MGLL: variants seen among roughly 807,000 people sequenced by gnomAD.
The protein encoded by MGLL is lysophospholipase homolog.
Under a neutral mutation model 29.1 loss-of-function variants are expected in MGLL, and 7 were observed. The ratio of observed to expected loss-of-function variants is 0.24; its 90% CI spans 0.14 to 0.45. The LOEUF (loss-of-function observed/expected upper bound fraction) is 0.45. Ranked by LOEUF, MGLL falls within the 20% of genes least tolerant of loss-of-function variation. The pLI is 0.99. For synonymous variants in MGLL, 148 were observed against 168.3 expected, an observed-to-expected ratio of 0.88 and a Z score of 0.93; for missense variants, 356 against 413.6, an observed-to-expected ratio of 0.86 and a Z score of 1.21.
intron 2 of MGLL, among the ~76,000 whole-genome samples, chr3:127,820,845 C>T (rs1576329718): frequency 6.6e-6 from 1 of 152,204 alleles, no homozygotes; most frequent in South Asian, 2.1e-4. Flanking sequence ...GTGTTTTTAA[C>T]GTGCAGCTCC....
intron 3 of MGLL, among the ~76,000 whole-genome samples, chr3:127,772,377 A>G (rs2076964565): frequency 6.6e-6 from 1 of 152,168 alleles, no homozygotes; most frequent in South Asian, 2.1e-4. Flanking sequence ...GAGGAGTGTG[A>G]AGTCCGGAGA....
intron 2 of MGLL, among the ~76,000 whole-genome samples, chr3:127,787,466 G>A (rs1039861115): frequency 1.2e-4 from 18 of 152,216 alleles, no homozygotes; most frequent in African/African-American, 4.3e-4. Context: ...TGCCCTTGTC[G>A]AAGCAATGCC....
At chr3:127,710,046 A>G (rs779659957) in intron 6 of MGLL, among the ~76,000 whole-genome samples, 4 of 152,194 alleles carry the variant, frequency 2.6e-5, no homozygotes, top group Non-Finnish European at 5.9e-5. Flanking sequence ...GTCAGTAAGA[A>G]TCAGCCCTGA....
At chr3:127,723,554 G>GC (rs1014603722) in intron 3 of MGLL, among the ~76,000 whole-genome samples, 21 of 148,740 alleles carry the variant, frequency 1.4e-4, no homozygotes, top group African/African-American at 3.0e-4. Flanking sequence ...CTTCCCAGTC[G>GC]CCCCCCCACG....
chr3:127,745,272 T>C (rs1272703757), intron 3 of MGLL, among the ~76,000 whole-genome samples: 1 of 152,244 alleles, frequency 6.6e-6, no homozygotes, highest in Non-Finnish European at 1.5e-5. Flanking sequence ...CCACCTTTCA[T>C]GCTTAGTTCT....
Position 127,692,313 on chromosome 3 carries a change from C to T in MGLL, c.827G>A (p.Gly276Asp). Residue 276 changes from glycine (G) to aspartate (D), a missense_variant, in exon 8 of 8, where the codon GGT (glycine) becomes GAT (aspartate). Gly to Asp is a moderately conservative substitution (Grantham distance 94). Coordinates refer to ENST00000265052, the MANE Select transcript of MGLL (RefSeq NM_007283.7). Reference sequence around the variant, plus strand: ...CTCCTTGTGGAGAACATGGTAGGCACCTTCATAAATCTGCAATGAGGAGAG... The same window carrying T: ...CTCCTTGTGGAGAACATGGTAGGCATCTTCATAAATCTGCAATGAGGAGAG... ...SQDKTLKIYE[G>D]AYHVLHKELP... The T allele has an allele frequency of 1.2e-6, 2 of 1,614,000 alleles. No individual in the cohort carries two copies. The highest frequency in any genetic ancestry group is 8.5e-7 in the Non-Finnish European group (1 of 1,179,986).
At chr3:127,703,346 C>T (rs1044149334) in intron 6 of MGLL, among the ~76,000 whole-genome samples, 4 of 152,240 alleles carry the variant, frequency 2.6e-5, no homozygotes, top group African/African-American at 9.6e-5. Flanking sequence ...TGCAGGACCA[C>T]TTTCATAACT....
At chr3:127,694,784 C>T (rs1435236430) in intron 7 of MGLL, among the ~76,000 whole-genome samples, 191 bp downstream of exon 7, 1 of 152,170 alleles carries the variant, frequency 6.6e-6, no homozygotes, top group African/African-American at 2.4e-5. Flanking sequence ...CAGCAAATGA[C>T]TCGTGTTCTC....
intron 3 of MGLL, among the ~76,000 whole-genome samples, chr3:127,752,905 A>T (rs575288658): frequency 6.6e-6 from 1 of 152,222 alleles, no homozygotes; most frequent in Non-Finnish European, 1.5e-5. Context: ...ATGTGCACTG[A>T]AGTGGCTATA....
rs150265515 is a variant in MGLL at position 127,781,727 on chromosome 3, G to C, written c.262+62C>G. The C allele has an allele frequency of 4.3e-6, 6 of 1,379,766 alleles. No individual in the cohort carries two copies. In the Admixed American group the frequency reaches 1.0e-4, roughly 23 times the overall value. 85.5% of individuals were successfully genotyped at this position (1,379,766 alleles called of 1,614,324 possible). ...AGGATGCTGGCAGTGAGATGGACTAGAGAGGGAGATCTCCAAATTGTCAGG... is the reference window on the plus strand; with the variant it reads ...AGGATGCTGGCAGTGAGATGGACTACAGAGGGAGATCTCCAAATTGTCAGG... On this transcript the variant is annotated intron_variant, in intron 3 of 7. Coordinates refer to ENST00000265052, the MANE Select transcript of MGLL (RefSeq NM_007283.7).
chr3:127,776,540 C>G (rs1195307485), intron 3 of MGLL, among the ~76,000 whole-genome samples: 1 of 152,214 alleles, frequency 6.6e-6, no homozygotes, highest in Non-Finnish European at 1.5e-5. Flanking sequence ...TCTGGCCCTC[C>G]AGGCATTGAG....
chr3:127,798,965 T>C lies in MGLL; in HGVS notation c.156-17070A>G, dbSNP rs142881421. 3.6e-3 allele frequency among the ~76,000 whole-genome samples: 550 copies of C among 152,234 alleles called. 1 individual carries two copies. The highest frequency in any genetic ancestry group is 0.031 in the Middle Eastern group (9 of 294). ...GAGCAGGGGAGCAGTCTCAGGAGCA[T>C]TGCCTTTCAAGCCTGCAGCTGGATT... is the stretch of plus-strand genomic sequence containing the variant. On this transcript the variant is annotated intron_variant, in intron 2 of 7. Transcript: ENST00000265052.
chr3:127,790,722 C>T (rs1327934223), intron 2 of MGLL, among the ~76,000 whole-genome samples: 1 of 152,170 alleles, frequency 6.6e-6, no homozygotes, highest in Non-Finnish European at 1.5e-5. Flanking sequence ...TCCCTATTTT[C>T]CCGTTAGCAC....
At chr3:127,727,618 G>A (rs2076069470) in intron 3 of MGLL, among the ~76,000 whole-genome samples, 1 of 149,542 alleles carries the variant, frequency 6.7e-6, no homozygotes, top group South Asian at 2.1e-4. Flanking sequence ...AAGTTGAGGT[G>A]AGAGAATCGT....
intron 3 of MGLL, among the ~76,000 whole-genome samples, chr3:127,778,241 T>C (rs2077067673): frequency 6.6e-6 from 1 of 152,208 alleles, no homozygotes; most frequent in South Asian, 2.1e-4. Flanking sequence ...GTCTACTTTG[T>C]AAAGCATTTT....
chr3:127,765,989 A>G (rs2076848644), intron 3 of MGLL, among the ~76,000 whole-genome samples: 1 of 152,160 alleles, frequency 6.6e-6, no homozygotes. Flanking sequence ...AGCAGCTAAG[A>G]CATTCATTTA....
intron 3 of MGLL, among the ~76,000 whole-genome samples, chr3:127,743,553 C>A (rs567111964): frequency 7.3e-6 from 1 of 137,526 alleles, no homozygotes; most frequent in East Asian, 2.3e-4. Flanking sequence ...GGCCATCAGC[C>A]GACACATTCC....
Position 127,690,968 on chromosome 3 carries a change from TG to T in MGLL, c.*1229del. On this transcript the variant is annotated 3_prime_UTR_variant, in exon 8 of 8. Transcript: ENST00000265052. Reference sequence around the variant, plus strand: ...CTGGGGGTGCCTCCAGTCCCTGCTCTGGGTCACCGAGTGCTCCATGCAGACC... The same window carrying T: ...CTGGGGGTGCCTCCAGTCCCTGCTCTGGTCACCGAGTGCTCCATGCAGACC... 1 of 152,960 alleles carries T rather than the reference TG, an allele frequency of 6.5e-6. No homozygotes were observed. Among genetic ancestry groups the T allele is most frequent in the Non-Finnish European group, 1.5e-5 (1 of 68,186 alleles). The allele number at this position is 152,960 out of a possible 1,614,324, so 9.5% of individuals were successfully genotyped here.
intron 2 of MGLL, among the ~76,000 whole-genome samples, chr3:127,816,080 A>G (rs1478125281): frequency 6.6e-6 from 1 of 152,168 alleles, no homozygotes; most frequent in South Asian, 2.1e-4. Flanking sequence ...GGGGTTCAAA[A>G]TGGCCACTTG....
Sources: allele counts gnomAD v4.1 joint callset (sites outside exome capture counted in the v4.1 genomes callset), GRCh38; gene constraint gnomAD v4.1.1; transcripts MANE v1.5; gene names NCBI Gene and HGNC (gene_info 2026-07-23, HGNC 2026-07-21).